Variants in PHF2 observed in about 807,000 individuals in gnomAD.
The protein encoded by PHF2 is PHD finger protein 2, also known as lysine-specific demethylase PHF2.
In PHF2, 27 loss-of-function variants were observed where a neutral mutation model predicts 120.5. That is an observed-to-expected ratio of 0.22 (90% CI 0.17 to 0.31). The LOEUF (loss-of-function observed/expected upper bound fraction) is 0.31. Among genes scored for constraint, PHF2 ranks in the 10% least tolerant of loss-of-function variants. The pLI, the probability that PHF2 is intolerant of heterozygous loss-of-function variation, is 1.00. For synonymous variants in PHF2, 568 were observed against 592.5 expected, an observed-to-expected ratio of 0.96 and a Z score of 0.60; for missense variants, 1,024 against 1,434.8, an observed-to-expected ratio of 0.71 and a Z score of 4.63.
chr9:93,620,364 T>C (rs922839531), intron 1 of PHF2, among the ~76,000 whole-genome samples: 1 of 152,126 alleles, frequency 6.6e-6, no homozygotes, highest in African/African-American at 2.4e-5. Context: ...GGGCAGCAGG[T>C]GAGGCACGAG....
Position 93,656,463 on chromosome 9 carries a change from G to C in PHF2, c.1041-26G>C. 6.5e-7 allele frequency: 1 copy of C among 1,535,082 alleles called. No homozygotes were observed. The highest frequency in any genetic ancestry group is 9.0e-7 in the Non-Finnish European group (1 of 1,108,656). On this transcript the variant is annotated intron_variant, in intron 8 of 21. Coordinates refer to ENST00000359246, the MANE Select transcript of PHF2 (RefSeq NM_005392.4). This position sits in a 1 kb window ranked among gnomAD's most constrained non-coding sequence, Gnocchi z 4.1. ...TCGCCTGCTTGATGGTCAGTGCACT[G>C]AGAACTGCTCTTTGGTGGCTTCTAG...
chr9:93,593,734 G>A (rs1211075178), intron 1 of PHF2, among the ~76,000 whole-genome samples: 1 of 152,218 alleles, frequency 6.6e-6, no homozygotes, highest in East Asian at 1.9e-4. Context: ...CAGCAGTGAT[G>A]TTTACAGCAA....
At chr9:93,638,742 G>A (rs185891380) in intron 3 of PHF2, among the ~76,000 whole-genome samples, 30 of 151,948 alleles carry the variant, frequency 2.0e-4, no homozygotes, top group Non-Finnish European at 3.8e-4. Context: ...TTTTTGAGAC[G>A]GAGTCTCACT....
chr9:93,665,715 C>T lies in PHF2; in HGVS notation c.1967C>T (p.Pro656Leu). ...GSKALRPPTS[P>L]GVFGALQNFK... is the part of the protein sequence containing the mutation. ...AAGGCTCTCAGGCCCCCGACGAGCC[C>T]TGGTGTGTTCGGGGCCTTGCAGAAC... is the stretch of plus-strand genomic sequence containing the variant. Residue 656 changes from proline to leucine, a missense_variant, in exon 15 of 22, where the codon CCT becomes CTT. This residue lies in a region of PHF2 where 677 missense variants were observed against 857.4 expected (regional missense o/e 0.79). Transcript: ENST00000359246. 1 of 1,613,884 alleles carries T rather than the reference C, an allele frequency of 6.2e-7. No homozygotes were observed. Among genetic ancestry groups the T allele is most frequent in the Non-Finnish European group, 8.5e-7 (1 of 1,179,960 alleles).
intron 14 of PHF2, among the ~76,000 whole-genome samples, chr9:93,664,164 G>A (rs996703234): frequency 6.6e-6 from 1 of 152,194 alleles, no homozygotes; most frequent in African/African-American, 2.4e-5. Flanking sequence ...CTCAGAGCCC[G>A]GTGGCCAGTG....
At position 93,677,742 on chromosome 9, in the gene PHF2, T is replaced by TC. The variant is rs1826945981; in HGVS notation, c.*69dup. On this transcript the variant is annotated 3_prime_UTR_variant, in exon 22 of 22. Transcript: ENST00000359246. The surrounding 1 kb of genome is among the most constrained non-coding windows in gnomAD (Gnocchi z 4.4). ...CCGGAGCCCCGCGAAAACATCTGCC[T>TC]CCCAGGAGGGTGCCGAGCTGCCTCA... 1 of 1,256,340 alleles carries TC rather than the reference T, an allele frequency of 8.0e-7. No homozygotes were observed. The highest frequency in any genetic ancestry group is 1.5e-5 in the African/African-American group (1 of 67,366). 77.8% of individuals were successfully genotyped at this position (1,256,340 alleles called of 1,614,324 possible). A position where few individuals can be genotyped will look rare whatever the true frequency, so the allele number is the denominator to read the frequency against.
chr9:93,599,246 A>G (rs1825389367), intron 1 of PHF2, among the ~76,000 whole-genome samples: 1 of 152,080 alleles, frequency 6.6e-6, no homozygotes, highest in African/African-American at 2.4e-5. Context: ...GTTTATTTTT[A>G]CCGTCATCGT....
intron 1 of PHF2, among the ~76,000 whole-genome samples, chr9:93,584,549 C>T (rs1361502502): frequency 2.0e-5 from 3 of 152,130 alleles, no homozygotes; most frequent in Admixed American, 6.6e-5. Flanking sequence ...ATCTTTTGAC[C>T]GTATACACAG....
At chr9:93,647,850 C>T (rs555284760) in intron 4 of PHF2, among the ~76,000 whole-genome samples, 1 of 151,944 alleles carries the variant, frequency 6.6e-6, no homozygotes, top group East Asian at 1.9e-4. Flanking sequence ...GATCGTGCCA[C>T]TGCACTCCAG....
chr9:93,675,282 C>T (rs1397155567), intron 19 of PHF2, among the ~76,000 whole-genome samples: 3 of 152,244 alleles, frequency 2.0e-5, no homozygotes, highest in Admixed American at 1.3e-4. Flanking sequence ...ACTCCTCTGG[C>T]TGGCTCCTCT....
At chr9:93,611,308 A>G (rs1364202023) in intron 1 of PHF2, among the ~76,000 whole-genome samples, 2 of 151,922 alleles carry the variant, frequency 1.3e-5, no homozygotes, top group African/African-American at 4.8e-5. Flanking sequence ...CCAGCTACTC[A>G]GGAGCCTGAG....
At chr9:93,659,947 G>A (rs185835122) in intron 11 of PHF2, among the ~76,000 whole-genome samples, 28 of 152,306 alleles carry the variant, frequency 1.8e-4, no homozygotes, top group Admixed American at 1.1e-3. Context: ...CGCTGTGCTG[G>A]GGTAGGACAG....
At chr9:93,621,960 A>G (rs1825834101) in intron 1 of PHF2, among the ~76,000 whole-genome samples, 1 of 152,270 alleles carries the variant, frequency 6.6e-6, no homozygotes, top group East Asian at 1.9e-4. Flanking sequence ...CCCCTGGACT[A>G]TTAAAAGGAT....
At chr9:93,622,199 AC>A (rs1341620916) in intron 1 of PHF2, among the ~76,000 whole-genome samples, 13 of 152,150 alleles carry the variant, frequency 8.5e-5, no homozygotes, top group African/African-American at 2.7e-4. Context: ...CCTTACATTC[AC>A]AGGCACTGCT....
At chr9:93,632,772 G>T (rs1398653959) in intron 2 of PHF2, among the ~76,000 whole-genome samples, 1 of 152,194 alleles carries the variant, frequency 6.6e-6, no homozygotes, top group African/African-American at 2.4e-5. Context: ...ATGTATGTGT[G>T]TGCATGCACA....
intron 1 of PHF2, among the ~76,000 whole-genome samples, chr9:93,610,494 C>T (rs183946185): frequency 6.6e-6 from 1 of 152,226 alleles, no homozygotes; most frequent in Admixed American, 6.5e-5. Flanking sequence ...ATCACCTATC[C>T]TTGCAGGCTT....
chr9:93,577,339 C>T (rs997231215), intron 1 of PHF2, among the ~76,000 whole-genome samples: 3 of 151,868 alleles, frequency 2.0e-5, no homozygotes, highest in Non-Finnish European at 4.4e-5. Flanking sequence ...GGGCGCGCAG[C>T]CCGGCGCGGG....
At chr9:93,665,964 T>C (rs1333379286) in intron 15 of PHF2, 26 bp from the exon 16 acceptor site, 2 of 1,612,792 alleles carry the variant, frequency 1.2e-6, no homozygotes, top group African/African-American at 1.3e-5. Context: ...GGCCTCCCGC[T>C]GGACTGCCAT....
chr9:93,636,487 G>A lies in PHF2; in HGVS notation c.261G>A (p.Gln87=). 1 of 1,605,894 alleles carries A rather than the reference G, an allele frequency of 6.2e-7. No individual in the cohort carries two copies. Among genetic ancestry groups the A allele is most frequent in the Non-Finnish European group, 8.5e-7 (1 of 1,176,596 alleles). Residue 87 remains glutamine, a synonymous_variant, in exon 3 of 22, where the codon CAG becomes CAA. Transcript: ENST00000359246. The stretch of plus-strand genomic sequence containing the variant: ...TCAAGCCCGTGCAGAATGGCAGCCA[G>A]CTCTTCATCAAGGAGCTGCGGAGCC... ...PDVKPVQNGS[Q]LFIKELRSRT... is the part of the protein sequence containing the mutation.
Sources: allele counts gnomAD v4.1 joint callset (sites outside exome capture counted in the v4.1 genomes callset), GRCh38; gene constraint gnomAD v4.1.1; regional missense constraint gnomAD v4.1.1; non-coding constraint Gnocchi (gnomAD v3.1); transcripts MANE v1.5; gene names NCBI Gene and HGNC (gene_info 2026-07-23, HGNC 2026-07-21).